The following DGKB variants were observed in gnomAD, a reference collection of about 807,000 sequenced individuals.
The protein encoded by DGKB is 90 kDa diacylglycerol kinase.
DGKB carries 67 observed loss-of-function variants against 114.3 expected under a neutral mutation model. The ratio of observed to expected loss-of-function variants is 0.59; its 90% CI spans 0.48 to 0.72. The LOEUF (loss-of-function observed/expected upper bound fraction) is 0.72. DGKB is among the 30% of genes least tolerant of loss of function. The pLI is 0.00. For missense variants in DGKB, 907 were observed against 975.2 expected, an observed-to-expected ratio of 0.93 and a Z score of 0.93; for synonymous variants, 398 against 323.1, an observed-to-expected ratio of 1.23 and a Z score of -2.49.
chr7:14,779,363 T>A (rs6980373), intron 2 of DGKB, among the ~76,000 whole-genome samples: 2 of 151,684 alleles, frequency 1.3e-5, no homozygotes, highest in Non-Finnish European at 2.9e-5. Flanking sequence ...TGGTGAAACC[T>A]GGTCTCTATA....
chr7:14,795,543 A>T (rs1120408), intron 2 of DGKB, among the ~76,000 whole-genome samples: 2 of 151,882 alleles, frequency 1.3e-5, no homozygotes, highest in African/African-American at 4.8e-5. Flanking sequence ...GAGCCCTGTC[A>T]TCCTTAAAGA....
intron 2 of DGKB, among the ~76,000 whole-genome samples, chr7:14,820,417 A>C (rs888160280): frequency 9.2e-5 from 14 of 152,162 alleles, no homozygotes; most frequent in African/African-American, 3.4e-4. Context: ...AAATGCTAAA[A>C]TCCTATGCAA....
chr7:14,718,760 G>T, intron 5 of DGKB, 75 bp from the exon 6 acceptor site: 1 of 1,107,218 alleles, frequency 9.0e-7, no homozygotes, highest in Non-Finnish European at 1.3e-6. Flanking sequence ...TAAGAAAATA[G>T]AGAACACACA....
chr7:14,429,356 T>C (rs969165563), intron 21 of DGKB, among the ~76,000 whole-genome samples: 3 of 152,090 alleles, frequency 2.0e-5, no homozygotes, highest in African/African-American at 7.2e-5. Flanking sequence ...AAGGAGAAGA[T>C]GTACATCTGT....
intron 23 of DGKB, among the ~76,000 whole-genome samples, chr7:14,325,711 C>T (rs1808596177): frequency 6.6e-6 from 1 of 151,984 alleles, no homozygotes; most frequent in African/African-American, 2.4e-5. Context: ...GGTTTTTTTA[C>T]AAAAATTAAA....
intron 1 of DGKB, among the ~76,000 whole-genome samples, chr7:14,891,240 G>A (rs578166982): frequency 4.2e-4 from 63 of 151,500 alleles, no homozygotes; most frequent in African/African-American, 1.5e-3. Context: ...AGAGAATGAA[G>A]AAGATAGTCA....
At chr7:14,704,220 G>A (rs1319786487) in intron 6 of DGKB, among the ~76,000 whole-genome samples, 8 of 151,038 alleles carry the variant, frequency 5.3e-5, no homozygotes, top group African/African-American at 1.9e-4. Context: ...TGGATCACGA[G>A]GTCAGGAGAT....
intron 23 of DGKB, among the ~76,000 whole-genome samples, chr7:14,202,641 T>A (rs1786087844): frequency 6.6e-6 from 1 of 152,036 alleles, no homozygotes; most frequent in Non-Finnish European, 1.5e-5. Context: ...AAAAATATTA[T>A]ATAGAACTGC....
At chr7:14,692,367 C>T (rs1366731848) in intron 9 of DGKB, among the ~76,000 whole-genome samples, 2 of 151,980 alleles carry the variant, frequency 1.3e-5, no homozygotes, top group African/African-American at 4.8e-5. Context: ...GCTTTACAAA[C>T]ATAAAATGTC....
intron 20 of DGKB, among the ~76,000 whole-genome samples, chr7:14,511,941 T>C (rs1388925837): frequency 6.6e-6 from 1 of 152,206 alleles, no homozygotes; most frequent in Non-Finnish European, 1.5e-5. Flanking sequence ...CTCTCTTTTA[T>C]GGGTGCATTT....
intron 1 of DGKB, among the ~76,000 whole-genome samples, chr7:14,952,624 C>G (rs959008665): frequency 3.3e-5 from 5 of 151,698 alleles, no homozygotes; most frequent in Non-Finnish European, 7.4e-5. Context: ...GGCATGGTGG[C>G]GCACGTCTCT....
In DGKB at chr7:14,165,022, G is replaced by A. The variant is rs530500146; in HGVS notation, c.2304+11817C>T. Among the ~76,000 whole-genome samples the A allele has an allele frequency of 8.3e-3, 1,265 of 152,114 alleles. 8 individuals carry two copies. Among genetic ancestry groups the A allele is most frequent in the Non-Finnish European group, 0.013 (881 of 67,944 alleles). On this transcript the variant is annotated intron_variant, in intron 25 of 25. Transcript: ENST00000402815. ...CCAAAGTCCAGAAGTCACTAAAAAA[G>A]CAAAGACAAGACCGTGGATTCCAGC...
chr7:14,352,777 G>C (rs1427397784), intron 21 of DGKB, among the ~76,000 whole-genome samples: 1 of 151,948 alleles, frequency 6.6e-6, no homozygotes, highest in African/African-American at 2.4e-5. Context: ...ACAAAAATTA[G>C]CCCAGCGTGG....
chr7:14,436,383 A>G (rs1029091315), intron 21 of DGKB, among the ~76,000 whole-genome samples: 1 of 152,120 alleles, frequency 6.6e-6, no homozygotes, highest in Non-Finnish European at 1.5e-5. Flanking sequence ...TCAAAGTCAT[A>G]TTTAACAAGA....
chr7:14,701,815 G>C (rs1226076978), intron 6 of DGKB, 85 bp from the exon 7 acceptor site: 3 of 931,330 alleles, frequency 3.2e-6, no homozygotes, highest in Non-Finnish European at 5.2e-6. Context: ...AATTTAGTTT[G>C]TGTTGAAAAC....
intron 23 of DGKB, among the ~76,000 whole-genome samples, chr7:14,293,180 C>T (rs570304324): frequency 6.6e-6 from 1 of 152,236 alleles, no homozygotes; most frequent in South Asian, 2.1e-4. Context: ...AACAAAATTT[C>T]AATTATTGAA....
intron 20 of DGKB, among the ~76,000 whole-genome samples, chr7:14,564,787 T>C (rs1797153567): frequency 6.6e-6 from 1 of 152,086 alleles, no homozygotes; most frequent in South Asian, 2.1e-4. Flanking sequence ...CTGAACATTA[T>C]ATACTTTTTG....
At chr7:14,468,010 T>C (rs1034076455) in intron 21 of DGKB, among the ~76,000 whole-genome samples, 7 of 152,180 alleles carry the variant, frequency 4.6e-5, no homozygotes, top group Non-Finnish European at 1.0e-4. Context: ...CAAGAATCAA[T>C]TGATTCTATT....
At chr7:14,407,576 T>C (rs1406626535) in intron 21 of DGKB, among the ~76,000 whole-genome samples, 2 of 152,070 alleles carry the variant, frequency 1.3e-5, no homozygotes, top group Non-Finnish European at 2.9e-5. Flanking sequence ...CACAAGCAAA[T>C]TAAAACCTCA....
Sources: allele counts gnomAD v4.1 joint callset (sites outside exome capture counted in the v4.1 genomes callset), GRCh38; gene constraint gnomAD v4.1.1; transcripts MANE v1.5; gene names NCBI Gene and HGNC (gene_info 2026-07-23, HGNC 2026-07-21).